TRRAP: variants seen among roughly 807,000 people sequenced by gnomAD.
The protein encoded by TRRAP is transformation/transcription domain-associated protein.
In TRRAP, 41 loss-of-function variants were observed where a neutral mutation model predicts 438.8. The observed-to-expected ratio is 0.09, with a 90% confidence interval of 0.07 to 0.12. The LOEUF (loss-of-function observed/expected upper bound fraction) is 0.12. Among genes scored for constraint, TRRAP ranks in the 10% least tolerant of loss-of-function variants. The probability of loss-of-function intolerance (pLI) is 1.00; values close to 1 mark genes in which losing one functional copy is unlikely to be tolerated. For missense variants in TRRAP, 3,122 were observed against 5,055.1 expected (o/e 0.62, Z 11.60); for synonymous variants, 1,994 against 1,962.9 (o/e 1.02, Z -0.42).
intron 51 of TRRAP, 52 bp downstream of exon 51, chr7:98,967,750 A>T (rs1352807208): frequency 1.3e-6 from 2 of 1,557,992 alleles, no homozygotes; most frequent in South Asian, 2.3e-5. Context: ...GGGTTTTCTG[A>T]GTTGGGGCTC....
chr7:98,907,573 C>A (rs191701663), intron 13 of TRRAP, among the ~76,000 whole-genome samples: 1 of 152,278 alleles, frequency 6.6e-6, no homozygotes, highest in Non-Finnish European at 1.5e-5. Flanking sequence ...TAGAATTGGA[C>A]GTTAGATTAT....
At position 98,962,354 on chromosome 7, in the gene TRRAP, C is replaced by A; in HGVS notation, c.6756C>A (p.Ala2252=). 6.2e-7 allele frequency: 1 copy of A among 1,614,158 alleles called. No homozygotes were observed. Among genetic ancestry groups the A allele is most frequent in the Non-Finnish European group, 8.5e-7 (1 of 1,180,022 alleles). Residue 2252 remains alanine (A), a synonymous_variant, in exon 47 of 73, where the codon GCC becomes GCA. Coordinates refer to ENST00000456197, the MANE Select transcript of TRRAP (RefSeq NM_001375524.1). The stretch of plus-strand genomic sequence containing the variant: ...AAGAGCTGGAGTGCCTCTACGCAGC[C>A]GTCGGAAAGGTCATCTATGAAGGGC... ...KYEELECLYA[A]VGKVIYEGLT... is the part of the protein sequence containing the mutation.
At position 98,959,499 on chromosome 7, in the gene TRRAP, G is replaced by A. The variant is rs746526677; in HGVS notation, c.6489+9G>A. 1.7e-5 allele frequency: 27 copies of A among 1,612,812 alleles called. No individual in the cohort carries two copies. The East Asian group carries it at 2.2e-4, about 13-fold the overall frequency. On this transcript the variant is annotated intron_variant, in intron 45 of 72. Transcript: ENST00000456197. The stretch of plus-strand genomic sequence containing the variant: ...AGCTGCTGATGACTGTGGTGAGTGC[G>A]AGTGTCTGAAGGGCCAGGGCAGCGC...
chr7:98,962,731 C>G (rs1478466383), intron 47 of TRRAP, among the ~76,000 whole-genome samples: 2 of 152,248 alleles, frequency 1.3e-5, no homozygotes, highest in Non-Finnish European at 2.9e-5. Context: ...ACCGCAAGAG[C>G]TACATGACAA....
chr7:98,992,087 C>T (rs1793452820), intron 64 of TRRAP, 50 bp from the exon 65 acceptor site: 2 of 1,581,070 alleles, frequency 1.3e-6, no homozygotes, highest in Non-Finnish European at 1.7e-6. Flanking sequence ...TATCTTTATC[C>T]AGAGCTCAGC....
intron 41 of TRRAP, among the ~76,000 whole-genome samples, chr7:98,955,778 C>T (rs915060096): frequency 1.3e-5 from 2 of 152,176 alleles, no homozygotes; most frequent in African/African-American, 4.8e-5. Flanking sequence ...ATAGTCACCT[C>T]TTAGAGGAAC....
intron 3 of TRRAP, among the ~76,000 whole-genome samples, chr7:98,884,280 C>T (rs1795593109): frequency 6.6e-6 from 1 of 152,122 alleles, no homozygotes; most frequent in East Asian, 1.9e-4. Flanking sequence ...TAGGGTCTCC[C>T]TCTGTCACCC....
At chr7:98,965,530 T>G (rs1400955967) in intron 48 of TRRAP, among the ~76,000 whole-genome samples, 166 bp from the exon 49 acceptor site, 1 of 152,160 alleles carries the variant, frequency 6.6e-6, no homozygotes, top group African/African-American at 2.4e-5. Flanking sequence ...ATTTCCAAGA[T>G]GCACGTAAGA....
intron 64 of TRRAP, 40 bp downstream of exon 64, chr7:98,990,659 A>T (rs981599839): frequency 6.4e-7 from 1 of 1,566,328 alleles, no homozygotes; most frequent in African/African-American, 1.4e-5. Context: ...TGCACAAAAC[A>T]TTGTGTCTTC....
intron 31 of TRRAP, among the ~76,000 whole-genome samples, chr7:98,944,175 T>C (rs573418202): frequency 6.6e-6 from 1 of 152,354 alleles, no homozygotes; most frequent in South Asian, 2.1e-4. Flanking sequence ...GTCTGTGTGC[T>C]GCTCTCCCTC....
Position 98,892,481 on chromosome 7 carries a change from C to T in TRRAP, c.319C>T (p.Arg107Cys). Residue 107 changes from arginine (R) to cysteine (C), a missense_variant, in exon 5 of 73, where the codon CGT becomes TGT. By Grantham distance (180) the Arg-to-Cys change is radical. This residue lies in a region of TRRAP where 343 missense variants were observed against 564.0 expected (regional missense o/e 0.61). Transcript: ENST00000456197. ...IHRIPTNEHL[R>C]PHTKNVLSVM... ...TAGAATACCAACCAACGAACATCTT[C>T]GTCCTCACACAAAAAATGTTTTGTC... is the stretch of plus-strand genomic sequence containing the variant. 1.2e-6 allele frequency: 2 copies of T among 1,612,014 alleles called. No individual in the cohort carries two copies. The highest frequency in any genetic ancestry group is 1.7e-6 in the Non-Finnish European group (2 of 1,179,618).
At chr7:98,890,596 A>T (rs1404586994) in intron 4 of TRRAP, 151 bp downstream of exon 4, 1 of 583,370 alleles carries the variant, frequency 1.7e-6, no homozygotes, top group African/African-American at 1.9e-5. Flanking sequence ...CTCCTCAGTT[A>T]CATGTCTTGG....
At chr7:98,997,483 C>CAAAAAAAAAAAAAAAAAAAAAAA (rs61132070) in intron 67 of TRRAP, among the ~76,000 whole-genome samples, 4 of 42,620 alleles carry the variant, frequency 9.4e-5, no homozygotes, top group African/African-American at 2.6e-4. Context: ...ACTGCTGTTG[C>CAAAAAAAAAAAAAAAAAAAAAAA]AAAAAAAAAA....
At chr7:98,887,379 T>C (rs1198884198) in intron 3 of TRRAP, among the ~76,000 whole-genome samples, 1 of 152,186 alleles carries the variant, frequency 6.6e-6, no homozygotes, top group Non-Finnish European at 1.5e-5. Flanking sequence ...TCCTTGGTTG[T>C]GGGTGTTTCA....
chr7:98,935,514 A>G (rs1790518878), intron 27 of TRRAP, 65 bp from the exon 28 acceptor site: 1 of 1,428,686 alleles, frequency 7.0e-7, no homozygotes, highest in East Asian at 2.3e-5. Context: ...GTGTTCTGTT[A>G]TTTGCAAGGT....
In TRRAP at chr7:98,890,451, G is replaced by GT. The variant is rs1562927119; in HGVS notation, c.261+7dup. ...TTCAGGAGAAACCAGCACAGGTAAT[G>GT]TAAAAAAATAACATGAGAAGACAAG... is the stretch of plus-strand genomic sequence containing the variant. On this transcript the variant is annotated splice_region_variant and intron_variant, in intron 4 of 72. Transcript: ENST00000456197. The GT allele has an allele frequency of 6.4e-7, 1 of 1,562,028 alleles. No homozygotes were observed. The highest frequency in any genetic ancestry group is 8.6e-7 in the Non-Finnish European group (1 of 1,157,470).
rs1554409691 is a variant in TRRAP at position 98,917,445 on chromosome 7, C to T, written c.2388C>T (p.Gly796=). The change falls in exon 20 of 73, where the codon GGC becomes GGT. Residue 796 remains glycine (G), a synonymous_variant. Coordinates refer to ENST00000456197, the MANE Select transcript of TRRAP (RefSeq NM_001375524.1). ...LLQGLNMLQS[G]LHKQHMKDLF... ...TAGGGCTGAACATGCTTCAGAGTGG[C>T]CTGCACAAGCAGCACATGAAGGACC... is the stretch of plus-strand genomic sequence containing the variant. 6.2e-7 allele frequency: 1 copy of T among 1,614,136 alleles called. No homozygotes were observed. Among genetic ancestry groups the T allele is most frequent in the Non-Finnish European group, 8.5e-7 (1 of 1,180,012 alleles).
At position 98,921,855 on chromosome 7, in the gene TRRAP, T is replaced by A. The variant is rs1025942097; in HGVS notation, c.2725T>A (p.Ser909Thr). 1 of 1,612,562 alleles carries A rather than the reference T, an allele frequency of 6.2e-7. No homozygotes were observed. Among genetic ancestry groups the A allele is most frequent in the East Asian group, 2.2e-5 (1 of 44,824 alleles). The stretch of plus-strand genomic sequence containing the variant: ...CAGTAACAGGAAGATGCTGAAGGAG[T>A]CGCAGAAGCTGCACTACGTTGTGAC... ...GGSNRKMLKE[S>T]QKLHYVVTEV... Residue 909 changes from serine (S) to threonine (T), a missense_variant, in exon 21 of 73, where the codon TCG becomes ACG. By Grantham distance (58) the Ser-to-Thr change is moderately conservative. Transcript: ENST00000456197.
intron 46 of TRRAP, 92 bp downstream of exon 46, chr7:98,961,566 C>A: frequency 6.9e-7 from 1 of 1,453,652 alleles, no homozygotes; most frequent in Non-Finnish European, 9.5e-7. Flanking sequence ...GTTATTGTGT[C>A]GAGCGCTTTG....
Sources: gnomAD v4.1 joint callset for allele counts (sites outside exome capture counted in the v4.1 genomes callset) on GRCh38, gnomAD v4.1.1 for gene constraint, gnomAD v4.1.1 regional missense constraint, MANE v1.5 for transcripts, NCBI Gene and HGNC (gene_info 2026-07-23, HGNC 2026-07-21) for gene names.